PRIMA1: variants seen among roughly 807,000 people sequenced by gnomAD.
PRIMA1 encodes proline-rich membrane anchor 1.
Under a neutral mutation model 17.5 loss-of-function variants are expected in PRIMA1, and 7 were observed. The ratio of observed to expected loss-of-function variants is 0.40; its 90% CI spans 0.23 to 0.75. The LOEUF (loss-of-function observed/expected upper bound fraction) is 0.75, where lower values mean the gene tolerates loss of function less well. Ranked by LOEUF, PRIMA1 falls within the 30% of genes least tolerant of loss-of-function variation. The pLI is 0.37. For missense variants in PRIMA1, 200 were observed against 201.8 expected (o/e 0.99, Z 0.05); for synonymous variants, 97 against 77.9 (o/e 1.25, Z -1.29).
At chr14:93,783,944 C>G (rs1885452950) in intron 2 of PRIMA1, among the ~76,000 whole-genome samples, 1 of 152,150 alleles carries the variant, frequency 6.6e-6, no homozygotes. Context: ...CTACTCCTGG[C>G]CAATCAGTGC....
In PRIMA1 at chr14:93,769,690, C is replaced by T. The variant is rs558471587; in HGVS notation, c.229+9486G>A. On this transcript the variant is annotated intron_variant, in intron 3 of 4. Transcript: ENST00000393140. ...TTGCTGTGCCTGTCGCTCAGCTTTG[C>T]GACCCACCAGGCCTGGACCTCCTCT... is the stretch of plus-strand genomic sequence containing the variant. Among the ~76,000 whole-genome samples, 20 of 152,302 alleles carry T rather than the reference C, an allele frequency of 1.3e-4. No homozygotes were observed. In the East Asian group the frequency reaches 1.3e-3, roughly 10 times the overall value.
In PRIMA1 at chr14:93,727,976, AGCCTG is replaced by A. The variant is rs548784857; in HGVS notation, c.360-6435_360-6431del. Among the ~76,000 whole-genome samples the A allele has an allele frequency of 2.9e-3, 443 of 152,324 alleles. 1 individual carries two copies. Among genetic ancestry groups the A allele is most frequent in the African/African-American group, 9.9e-3 (410 of 41,574 alleles). On this transcript the variant is annotated intron_variant, in intron 4 of 4. Coordinates refer to ENST00000393140, the MANE Select transcript of PRIMA1 (RefSeq NM_178013.4). Reference sequence around the variant, plus strand: ...CAGCTGTCCTGAGCCAGCCCAGCCCAGCCTGGTCACCATGGGCACTACAGAAATGC... The same window carrying A: ...CAGCTGTCCTGAGCCAGCCCAGCCCAGTCACCATGGGCACTACAGAAATGC...
rs573471994 is a variant in PRIMA1 at position 93,726,919 on chromosome 14, A to G, written c.360-5373T>C. 6.6e-6 allele frequency among the ~76,000 whole-genome samples: 1 copy of G among 152,318 alleles called. No individual in the cohort carries two copies. The highest frequency in any genetic ancestry group is 1.9e-4 in the East Asian group (1 of 5,186). On this transcript the variant is annotated intron_variant, in intron 4 of 4. Coordinates refer to ENST00000393140, the MANE Select transcript of PRIMA1 (RefSeq NM_178013.4). This position sits in a 1 kb window ranked among gnomAD's most constrained non-coding sequence, Gnocchi z 4.2. Reference sequence around the variant, plus strand: ...TATGAATACACATATGCATATGCATACCTACAGACATATATCCCCACACTC... The same window carrying G: ...TATGAATACACATATGCATATGCATGCCTACAGACATATATCCCCACACTC...
Position 93,757,230 on chromosome 14 carries a change from A to G in PRIMA1, c.230-19860T>C, listed in dbSNP as rs532178472. 3.6e-4 allele frequency among the ~76,000 whole-genome samples: 51 copies of G among 140,954 alleles called. No individual in the cohort carries two copies. The East Asian group carries it at 8.2e-3, about 23-fold the overall frequency. 92.5% of individuals were successfully genotyped at this position (140,954 alleles called of 152,430 possible). Reference sequence around the variant, plus strand: ...AGGAAGGAAGGAAGGAAGGAAGGAAAGAAGGAAGGAAGGAAGGGAGTCCTC... The same window carrying G: ...AGGAAGGAAGGAAGGAAGGAAGGAAGGAAGGAAGGAAGGAAGGGAGTCCTC... On this transcript the variant is annotated intron_variant, in intron 3 of 4. Transcript: ENST00000393140.
chr14:93,745,531 G>T (rs1287517721), intron 3 of PRIMA1, among the ~76,000 whole-genome samples: 3 of 152,214 alleles, frequency 2.0e-5, no homozygotes, highest in African/African-American at 7.2e-5. Flanking sequence ...CATCCAGCAG[G>T]GAGTGGGGCC....
intron 3 of PRIMA1, among the ~76,000 whole-genome samples, chr14:93,748,643 C>T (rs1168259912): frequency 3.3e-5 from 5 of 152,166 alleles, no homozygotes; most frequent in African/African-American, 9.7e-5. Context: ...CTGTGCCCTT[C>T]CATCTATGGC....
chr14:93,721,852 C>T (rs2076040858), intron 4 of PRIMA1, among the ~76,000 whole-genome samples: 1 of 152,190 alleles, frequency 6.6e-6, no homozygotes, highest in Admixed American at 6.5e-5. Flanking sequence ...TTTGGACAAA[C>T]AAGAAAGTAT....
chr14:93,755,657 G>A (rs1273624024), intron 3 of PRIMA1, among the ~76,000 whole-genome samples: 1 of 152,134 alleles, frequency 6.6e-6, no homozygotes, highest in African/African-American at 2.4e-5. Flanking sequence ...GCTAAAATTT[G>A]AAATATTCCG....
At chr14:93,744,871 TC>T (rs1264796333) in intron 3 of PRIMA1, among the ~76,000 whole-genome samples, 1 of 152,114 alleles carries the variant, frequency 6.6e-6, no homozygotes, top group Non-Finnish European at 1.5e-5. Context: ...GCATTTAGCC[TC>T]CCTGGGGCAC....
chr14:93,734,645 C>T (rs2076136795), intron 4 of PRIMA1, among the ~76,000 whole-genome samples: 1 of 152,130 alleles, frequency 6.6e-6, no homozygotes, highest in Admixed American at 6.5e-5. Context: ...CATCCATGCC[C>T]CAGAGGAGCA....
intron 3 of PRIMA1, among the ~76,000 whole-genome samples, chr14:93,777,184 G>C (rs1423101633): frequency 6.6e-6 from 1 of 152,176 alleles, no homozygotes; most frequent in Non-Finnish European, 1.5e-5. Context: ...GGCCCTTCTA[G>C]GTCCTCCTCC....
intron 4 of PRIMA1, 104 bp downstream of exon 4, chr14:93,737,137 C>A (rs983024299): frequency 8.6e-7 from 1 of 1,167,990 alleles, no homozygotes; most frequent in African/African-American, 1.6e-5. Context: ...ATATGCTTAA[C>A]AACTTTTATA....
chr14:93,752,090 G>T (rs1405261206), intron 3 of PRIMA1, among the ~76,000 whole-genome samples: 1 of 152,164 alleles, frequency 6.6e-6, no homozygotes, highest in Non-Finnish European at 1.5e-5. Flanking sequence ...TTTCCAGAAA[G>T]GCAGCCAGGA....
intron 3 of PRIMA1, among the ~76,000 whole-genome samples, chr14:93,761,527 C>G (rs894256922): frequency 6.6e-6 from 1 of 152,134 alleles, no homozygotes; most frequent in Non-Finnish European, 1.5e-5. Context: ...ACCACAGGAC[C>G]CTTGTATGTG....
intron 4 of PRIMA1, among the ~76,000 whole-genome samples, chr14:93,733,652 G>C (rs547131771): frequency 6.6e-6 from 1 of 151,976 alleles, no homozygotes; most frequent in South Asian, 2.1e-4. Flanking sequence ...CCTAGGACTC[G>C]AGGCTATGAG....
chr14:93,787,709 G>A lies in PRIMA1; in HGVS notation c.10C>T (p.Arg4Trp). 1 of 1,543,924 alleles carries A rather than the reference G, an allele frequency of 6.5e-7. No individual in the cohort carries two copies. Among genetic ancestry groups the A allele is most frequent in the East Asian group, 2.4e-5 (1 of 40,906 alleles). The change falls in exon 2 of 5, where the codon CGG becomes TGG. Residue 4 changes from arginine (R) to tryptophan (W), a missense_variant. Coordinates refer to ENST00000393140, the MANE Select transcript of PRIMA1 (RefSeq NM_178013.4). Reference protein sequence around the residue: MLLRDLVLRRGCCW... With the variant: MLLWDLVLRRGCCW... ...CAGCCACGGCGCAGCACCAAGTCCC[G>A]GAGGAGCATCTCGGCCAGCGGCGCC...
chr14:93,788,571 G>C (rs1018854147), upstream of PRIMA1: 16 of 152,286 alleles, frequency 1.1e-4, no homozygotes, highest in African/African-American at 3.9e-4. Context: ...TCACCTTGGC[G>C]GCTGCGCGGG....
chr14:93,782,200 G>A lies in PRIMA1; in HGVS notation c.94-2889C>T, dbSNP rs143705460. Among the ~76,000 whole-genome samples, 213 of 151,726 alleles carry A rather than the reference G, an allele frequency of 1.4e-3. 1 individual carries two copies. Among genetic ancestry groups the A allele is most frequent in the South Asian group, 4.6e-3 (22 of 4,778 alleles). On this transcript the variant is annotated intron_variant, in intron 2 of 4. Transcript: ENST00000393140. ...GGAGAATGGCGTGAACACGGGAGGC[G>A]GAGCTTGCAGTGAGCTGAGATCATG...
chr14:93,721,213 G>A lies in PRIMA1; in HGVS notation c.*231C>T. ...GAGGATGTGGAGGGCCTGGGGTGGGGACACTGCCCAGGTGCTGCGCCGGGC... is the reference window on the plus strand; with the variant it reads ...GAGGATGTGGAGGGCCTGGGGTGGGAACACTGCCCAGGTGCTGCGCCGGGC... On this transcript the variant is annotated 3_prime_UTR_variant, in exon 5 of 5. Coordinates refer to ENST00000393140, the MANE Select transcript of PRIMA1 (RefSeq NM_178013.4). 1 of 525,932 alleles carries A rather than the reference G, an allele frequency of 1.9e-6. No homozygotes were observed. 32.6% of individuals were successfully genotyped at this position (525,932 alleles called of 1,614,324 possible).
Sources: allele counts gnomAD v4.1 joint callset (sites outside exome capture counted in the v4.1 genomes callset), GRCh38; gene constraint gnomAD v4.1.1; non-coding constraint Gnocchi (gnomAD v3.1); transcripts MANE v1.5; gene names NCBI Gene and HGNC (gene_info 2026-07-23, HGNC 2026-07-21).